The following ZBTB38 variants were observed in gnomAD, a reference collection of about 807,000 sequenced individuals.
The protein encoded by ZBTB38 is zinc finger and BTB domain-containing protein 38.
Under a neutral mutation model 76.8 loss-of-function variants are expected in ZBTB38, and 20 were observed. That is an observed-to-expected ratio of 0.26 (90% confidence interval 0.18 to 0.38). The LOEUF (loss-of-function observed/expected upper bound fraction) is 0.38, where lower values mean the gene tolerates loss of function less well. Among genes scored for constraint, ZBTB38 ranks in the 10% least tolerant of loss-of-function variants. The pLI is 1.00. For missense variants in ZBTB38, 1,082 were observed against 1,482.3 expected (o/e 0.73, Z 4.43); for synonymous variants, 504 against 544.2 (o/e 0.93, Z 1.03).
Position 141,363,497 on chromosome 3 carries a change from A to T in ZBTB38, c.-738-5124A>T, listed in dbSNP as rs565576250. On this transcript the variant is annotated intron_variant, in intron 1 of 7. Transcript: ENST00000509842. ...ACACTTCCTAATTTCCAAACATAAT[A>T]TGAAGCTATAGTAATCAAAACAGTG... 1.4e-4 allele frequency among the ~76,000 whole-genome samples: 22 copies of T among 152,348 alleles called. No homozygotes were observed. In the East Asian group the frequency reaches 4.0e-3, roughly 28 times the overall value.
At chr3:141,340,670 G>A (rs1943145895) in intron 1 of ZBTB38, among the ~76,000 whole-genome samples, 1 of 152,072 alleles carries the variant, frequency 6.6e-6, no homozygotes, top group South Asian at 2.1e-4. Context: ...GGCCGAGGCA[G>A]GCGGATCACG....
chr3:141,352,650 T>C (rs544643144), intron 1 of ZBTB38, among the ~76,000 whole-genome samples: 7 of 152,108 alleles, frequency 4.6e-5, no homozygotes, highest in African/African-American at 1.7e-4. Context: ...ATAGGCATAA[T>C]ACATGACAAA....
At chr3:141,432,653 G>A (rs572306234) in intron 5 of ZBTB38, among the ~76,000 whole-genome samples, 11 of 152,228 alleles carry the variant, frequency 7.2e-5, no homozygotes, top group South Asian at 6.2e-4. Flanking sequence ...TTCAAGATTC[G>A]TTTTGCATTG....
chr3:141,417,479 A>G (rs2074331263), intron 5 of ZBTB38, among the ~76,000 whole-genome samples: 1 of 152,204 alleles, frequency 6.6e-6, no homozygotes, highest in Non-Finnish European at 1.5e-5. Flanking sequence ...CAGGCACGTC[A>G]GTCATTCTTG....
At chr3:141,362,724 G>C (rs1285024310) in intron 1 of ZBTB38, among the ~76,000 whole-genome samples, 1 of 152,140 alleles carries the variant, frequency 6.6e-6, no homozygotes, top group Non-Finnish European at 1.5e-5. Context: ...GAGAAAGAAA[G>C]GGAGGCAGAA....
chr3:141,366,719 C>T (rs889338767), upstream of ZBTB38: 6 of 152,166 alleles, frequency 3.9e-5, no homozygotes, highest in Non-Finnish European at 7.3e-5. Context: ...ACCCCACCCA[C>T]AGTGGGAAGG....
chr3:141,439,612 C>T (rs967222849), intron 5 of ZBTB38, among the ~76,000 whole-genome samples: 5 of 152,138 alleles, frequency 3.3e-5, no homozygotes, highest in African/African-American at 1.2e-4. Flanking sequence ...GTTCATTAGC[C>T]TGATTTGAAA....
intron 5 of ZBTB38, among the ~76,000 whole-genome samples, chr3:141,430,015 A>AG (rs2077144693): frequency 6.6e-6 from 1 of 152,214 alleles, no homozygotes; most frequent in Non-Finnish European, 1.5e-5. Context: ...GGCTTTGAGC[A>AG]GGGCTTGACT....
chr3:141,359,333 C>T (rs1353711954), intron 1 of ZBTB38, among the ~76,000 whole-genome samples: 1 of 152,222 alleles, frequency 6.6e-6, no homozygotes, highest in Non-Finnish European at 1.5e-5. Flanking sequence ...CAGTGCTCTA[C>T]CCAAGAAACT....
At chr3:141,382,087 A>G (rs990639920) in intron 3 of ZBTB38, among the ~76,000 whole-genome samples, 4 of 152,194 alleles carry the variant, frequency 2.6e-5, no homozygotes, top group Non-Finnish European at 5.9e-5. Context: ...ACTATTTGTG[A>G]GTTGAAAGTA....
chr3:141,372,542 C>G (rs1389423636), intron 2 of ZBTB38, among the ~76,000 whole-genome samples: 1 of 151,546 alleles, frequency 6.6e-6, no homozygotes, highest in African/African-American at 2.4e-5. Flanking sequence ...ATCCCAGCTA[C>G]TTGGGAGGCT....
intron 3 of ZBTB38, among the ~76,000 whole-genome samples, chr3:141,381,705 G>C (rs1946221202): frequency 6.6e-6 from 1 of 152,182 alleles, no homozygotes; most frequent in Non-Finnish European, 1.5e-5. Flanking sequence ...CCCTTTGAGA[G>C]CCATCTTGTT....
intron 5 of ZBTB38, among the ~76,000 whole-genome samples, chr3:141,441,841 G>A (rs1028630824): frequency 6.6e-6 from 1 of 152,040 alleles, no homozygotes; most frequent in Non-Finnish European, 1.5e-5. Flanking sequence ...GCTTGAGCCG[G>A]GGAAGTGGAG....
chr3:141,364,130 TA>T (rs1170198240), upstream of ZBTB38, among the ~76,000 whole-genome samples: 26 of 146,902 alleles, frequency 1.8e-4, no homozygotes, highest in Admixed American at 2.0e-4. Flanking sequence ...CTCAAAAATT[TA>T]AAAAAAAAAA....
chr3:141,324,989 ACT>A (rs1334613666), intron 1 of ZBTB38, among the ~76,000 whole-genome samples: 1 of 152,200 alleles, frequency 6.6e-6, no homozygotes, highest in Non-Finnish European at 1.5e-5. Flanking sequence ...TAAATTCAAA[ACT>A]CTGTAACATT....
intron 1 of ZBTB38, among the ~76,000 whole-genome samples, chr3:141,328,795 A>G (rs1342720650): frequency 6.6e-6 from 1 of 151,360 alleles, no homozygotes; most frequent in African/African-American, 2.4e-5. Context: ...CCCTCTTGTC[A>G]TTCCCTCCTC....
At chr3:141,347,231 G>C (rs768762503) in intron 1 of ZBTB38, among the ~76,000 whole-genome samples, 2 of 152,156 alleles carry the variant, frequency 1.3e-5, no homozygotes, top group Non-Finnish European at 2.9e-5. Flanking sequence ...AATGTGAGTA[G>C]AGAAATTGTC....
intron 1 of ZBTB38, among the ~76,000 whole-genome samples, chr3:141,326,726 T>C (rs1942685921): frequency 1.3e-5 from 2 of 152,234 alleles, no homozygotes; most frequent in East Asian, 1.9e-4. Context: ...AGTGTTGTTT[T>C]TGGAACAAAG....
At chr3:141,347,214 C>T (rs1218674422) in intron 1 of ZBTB38, among the ~76,000 whole-genome samples, 2 of 152,126 alleles carry the variant, frequency 1.3e-5, no homozygotes, top group Non-Finnish European at 2.9e-5. Context: ...GTTAGGGTTA[C>T]AGACAAAATG....
Sources: allele counts gnomAD v4.1 joint callset (sites outside exome capture counted in the v4.1 genomes callset), GRCh38; gene constraint gnomAD v4.1.1; transcripts MANE v1.5; gene names NCBI Gene and HGNC (gene_info 2026-07-23, HGNC 2026-07-21).